CCDC146: variants seen among roughly 807,000 people sequenced by gnomAD.
CCDC146 encodes the protein coiled-coil domain-containing protein 146.
CCDC146 carries 92 observed loss-of-function variants against 119.3 expected under a neutral mutation model. The observed-to-expected ratio is 0.77, with a 90% CI of 0.65 to 0.92. CCDC146 has a LOEUF of 0.92. Among genes scored for constraint, CCDC146 ranks in the 40% least tolerant of loss-of-function variants. The pLI is 0.00. For missense variants in CCDC146, 1,000 were observed against 1,103.0 expected (o/e 0.91, Z 1.32); for synonymous variants, 372 against 371.8 (o/e 1.00, Z -0.01).
chr7:77,276,660 T>C lies in CCDC146; in HGVS notation c.1440+2008T>C, dbSNP rs116147500. 4.5e-3 allele frequency among the ~76,000 whole-genome samples: 685 copies of C among 152,190 alleles called. 3 individuals are homozygous for C. The highest frequency in any genetic ancestry group is 0.016 in the African/African-American group (665 of 41,532). On this transcript the variant is annotated intron_variant, in intron 11 of 18. Coordinates refer to ENST00000285871, the MANE Select transcript of CCDC146 (RefSeq NM_020879.3). Reference sequence around the variant, plus strand: ...AGTTCATGGAGTAGTTGGGTTTCACTAGGTAAAGAAGTGGTCAGGGAGGAC... The same window carrying C: ...AGTTCATGGAGTAGTTGGGTTTCACCAGGTAAAGAAGTGGTCAGGGAGGAC...
chr7:77,282,662 G>A lies in CCDC146; in HGVS notation c.2025G>A (p.Leu675=). The change falls in exon 15 of 19, where the codon CTG becomes CTA. Residue 675 remains leucine (L), a synonymous_variant. Transcript: ENST00000285871. ...ATGGAGAAATTGAAATACATCTACT[G>A]GAAGAAAAGATCCAATTCCTGAAAA... ...KLNGEIEIHL[L]EEKIQFLKMK... The A allele has an allele frequency of 6.2e-7, 1 of 1,612,708 alleles. No individual in the cohort carries two copies. The highest frequency in any genetic ancestry group is 8.5e-7 in the Non-Finnish European group (1 of 1,178,712).
rs368113692 is a variant in CCDC146 at position 77,259,033 on chromosome 7, T to A, written c.723T>A (p.Ile241=). 1.9e-6 allele frequency: 3 copies of A among 1,612,190 alleles called. No homozygotes were observed. Among genetic ancestry groups the A allele is most frequent in the Non-Finnish European group, 2.5e-6 (3 of 1,178,670 alleles). The part of the protein sequence containing the change: ...VAHHQTIPVQ[I]GKEIEKITRK... ...ACCATCAAACCATTCCAGTACAAAT[T>A]GGAAAAGAGATAGAAAAAATAACAC... The change falls in exon 7 of 19, where the codon ATT becomes ATA. Residue 241 remains isoleucine, a synonymous_variant. Coordinates refer to ENST00000285871, the MANE Select transcript of CCDC146 (RefSeq NM_020879.3).
intron 1 of CCDC146, among the ~76,000 whole-genome samples, chr7:77,156,906 A>C (rs577074493): frequency 1.3e-5 from 2 of 150,582 alleles, no homozygotes; most frequent in Admixed American, 1.3e-4. Context: ...GATAATATAC[A>C]TATAATTACC....
At chr7:77,269,415 T>C (rs1319761927) in intron 9 of CCDC146, among the ~76,000 whole-genome samples, 2 of 152,194 alleles carry the variant, frequency 1.3e-5, no homozygotes, top group Non-Finnish European at 1.5e-5. Flanking sequence ...TGTTTTTGTC[T>C]CTTTCTTTTT....
At chr7:77,286,665 A>G (rs1272318865) in intron 15 of CCDC146, 133 bp from the exon 16 acceptor site, 1 of 791,940 alleles carries the variant, frequency 1.3e-6, no homozygotes, top group East Asian at 2.5e-5. Flanking sequence ...ATGGGGTGTT[A>G]AGAAAACAGA....
intron 3 of CCDC146, among the ~76,000 whole-genome samples, chr7:77,240,477 G>T (rs555416679): frequency 1.3e-5 from 2 of 152,236 alleles, no homozygotes; most frequent in South Asian, 4.1e-4. Flanking sequence ...ATATAAAATG[G>T]TATAGTATTT....
rs962378471 is a variant in CCDC146 at position 77,154,654 on chromosome 7, A to G, written c.-11-13004A>G. ...ATGAACTCATCCTTTTTATGGCTGC[A>G]TAGTATTCCATGGTGTATATGTGCC... On this transcript the variant is annotated intron_variant, in intron 1 of 18. Transcript: ENST00000285871. 2.6e-5 allele frequency among the ~76,000 whole-genome samples: 4 copies of G among 151,950 alleles called. No individual in the cohort carries two copies. The East Asian group carries it at 7.7e-4, about 29-fold the overall frequency.
At chr7:77,253,968 A>T (rs1793129026) in intron 4 of CCDC146, among the ~76,000 whole-genome samples, 1 of 152,222 alleles carries the variant, frequency 6.6e-6, no homozygotes, top group African/African-American at 2.4e-5. Context: ...AGAGAGGCTG[A>T]TGAGGCAGGG....
At chr7:77,209,816 C>G (rs1052311025) in intron 2 of CCDC146, among the ~76,000 whole-genome samples, 6 of 152,198 alleles carry the variant, frequency 3.9e-5, no homozygotes, top group African/African-American at 1.4e-4. Context: ...GGCTTGTACC[C>G]TCTGAAACAA....
intron 2 of CCDC146, among the ~76,000 whole-genome samples, chr7:77,182,233 GA>G (rs994367689): frequency 2.6e-5 from 4 of 152,104 alleles, no homozygotes; most frequent in African/African-American, 9.7e-5. Context: ...TAATGATTTG[GA>G]AAGAAAAAAC....
intron 1 of CCDC146, among the ~76,000 whole-genome samples, chr7:77,146,702 G>A (rs1464756130): frequency 6.6e-6 from 1 of 152,170 alleles, no homozygotes; most frequent in African/African-American, 2.4e-5. Flanking sequence ...ATTCTGGGTT[G>A]AAAATAATTT....
At chr7:77,129,857 A>G (rs1423251957) in intron 1 of CCDC146, among the ~76,000 whole-genome samples, 1 of 152,106 alleles carries the variant, frequency 6.6e-6, no homozygotes, top group African/African-American at 2.4e-5. Flanking sequence ...CATATTTATA[A>G]TATCTGCTTT....
At chr7:77,129,364 G>C (rs1790750874) in intron 1 of CCDC146, among the ~76,000 whole-genome samples, 1 of 151,952 alleles carries the variant, frequency 6.6e-6, no homozygotes, top group African/African-American at 2.4e-5. Flanking sequence ...CACAAGAGTA[G>C]TAATGCCAGC....
At position 77,289,488 on chromosome 7, in the gene CCDC146, A is replaced by G. The variant is rs112086534; in HGVS notation, c.2415+1911A>G. Among the ~76,000 whole-genome samples, 617 of 152,364 alleles carry G rather than the reference A, an allele frequency of 4.0e-3. 7 individuals carry two copies. Among genetic ancestry groups the G allele is most frequent in the African/African-American group, 7.9e-3 (327 of 41,590 alleles). ...CTCATAGTAGGCAGAACTGGAAAGT[A>G]GAAAGACATTCAGATTCCAGATCTA... is the stretch of plus-strand genomic sequence containing the variant. On this transcript the variant is annotated intron_variant, in intron 17 of 18. Coordinates refer to ENST00000285871, the MANE Select transcript of CCDC146 (RefSeq NM_020879.3).
intron 2 of CCDC146, among the ~76,000 whole-genome samples, chr7:77,224,664 G>GAGGA (rs892884402): frequency 6.6e-6 from 1 of 152,170 alleles, no homozygotes; most frequent in Non-Finnish European, 1.5e-5. Flanking sequence ...GAGATAGAGG[G>GAGGA]AGGAGACAGG....
At chr7:77,166,584 ATTG>A (rs1791340549) in intron 1 of CCDC146, among the ~76,000 whole-genome samples, 1 of 151,694 alleles carries the variant, frequency 6.6e-6, no homozygotes, top group Non-Finnish European at 1.5e-5. Flanking sequence ...ATATTACATT[ATTG>A]TTATTTTATT....
chr7:77,294,529 C>G (rs761471667), intron 18 of CCDC146, 134 bp from the exon 19 acceptor site: 1 of 678,630 alleles, frequency 1.5e-6, no homozygotes, highest in Non-Finnish European at 2.5e-6. Flanking sequence ...CCTCCTACCC[C>G]TCCCATCCCT....
At chr7:77,282,807 A>G in intron 15 of CCDC146, 22 bp downstream of exon 15, 1 of 1,510,700 alleles carries the variant, frequency 6.6e-7, no homozygotes, top group Non-Finnish European at 9.2e-7. Flanking sequence ...ATCACGGGAC[A>G]CTTCCTCAGA....
chr7:77,142,113 C>T (rs1439026252), intron 1 of CCDC146, among the ~76,000 whole-genome samples: 2 of 152,024 alleles, frequency 1.3e-5, no homozygotes, highest in African/African-American at 4.8e-5. Context: ...CAATATCATA[C>T]TGAATGGGCA....
Sources: gnomAD v4.1 joint callset for allele counts (sites outside exome capture counted in the v4.1 genomes callset) on GRCh38, gnomAD v4.1.1 for gene constraint, MANE v1.5 for transcripts, NCBI Gene and HGNC (gene_info 2026-07-23, HGNC 2026-07-21) for gene names.